INTS1: variants seen among roughly 807,000 people sequenced by gnomAD.
INTS1 encodes the protein integrator complex subunit 1.
A neutral mutation model predicts 241.6 loss-of-function variants in INTS1; 137 were observed. That is an observed-to-expected ratio of 0.57 (90% CI 0.49 to 0.65). The LOEUF (loss-of-function observed/expected upper bound fraction) is 0.65. INTS1 is among the 30% of genes least tolerant of loss of function. The pLI, the probability that INTS1 is intolerant of heterozygous loss-of-function variation, is 0.00. For missense variants in INTS1, 3,073 were observed against 3,032.2 expected (o/e 1.01, Z -0.32); for synonymous variants, 1,692 against 1,337.8 (o/e 1.26, Z -5.78).
intron 3 of INTS1, among the ~76,000 whole-genome samples, chr7:1,501,777 T>C (rs1465583762): frequency 6.6e-6 from 1 of 152,084 alleles, no homozygotes; most frequent in Non-Finnish European, 1.5e-5. Flanking sequence ...TCCTGGGCCG[T>C]TTGCCCCCAG....
intron 38 of INTS1, 79 bp from the exon 39 acceptor site, chr7:1,476,150 G>C: frequency 1.3e-6 from 2 of 1,525,134 alleles, no homozygotes; most frequent in Non-Finnish European, 1.8e-6. Flanking sequence ...AGGCGTGATG[G>C]GAACCCACCC....
rs1315948611 is a variant in INTS1 at position 1,474,726 on chromosome 7, G to A, written c.5615C>T (p.Ala1872Val). 1.3e-5 allele frequency: 20 copies of A among 1,561,164 alleles called. No homozygotes were observed. Among genetic ancestry groups the A allele is most frequent in the South Asian group, 2.4e-5 (2 of 84,652 alleles). The change falls in exon 40 of 48, where the codon GCG (alanine) becomes GTG (valine). Residue 1872 changes from alanine to valine, a missense_variant. Ala to Val is a moderately conservative substitution (Grantham distance 64). Coordinates refer to ENST00000404767, the MANE Select transcript of INTS1 (RefSeq NM_001080453.3). ...ASMACRKLAVAHPLLLLRHLP... is the reference protein window; with the variant it reads ...ASMACRKLAVVHPLLLLRHLP... ...GCACCTGAGCAGCAGCAGCGGGTGC[G>A]CCACCGCCAGCTTCCGGCAGGCCAT...
intron 12 of INTS1, 49 bp downstream of exon 12, chr7:1,496,106 TG>T: frequency 1.4e-6 from 2 of 1,475,096 alleles, no homozygotes; most frequent in Non-Finnish European, 1.9e-6. Flanking sequence ...GCCACCAGCC[TG>T]GACCCGAGAC....
rs2128537261 is a variant in INTS1 at position 1,483,864 on chromosome 7, A to G, written c.3430-11T>C. On this transcript the variant is annotated splice_polypyrimidine_tract_variant and intron_variant, in intron 25 of 47. Transcript: ENST00000404767. The stretch of plus-strand genomic sequence containing the variant: ...GTCCTGAGACTCCGACTGTGGGAAA[A>G]GAGGTGGAGTCAGGCCGTAAGGTTC... 6.2e-7 allele frequency: 1 copy of G among 1,605,354 alleles called. No homozygotes were observed. The highest frequency in any genetic ancestry group is 8.5e-7 in the Non-Finnish European group (1 of 1,173,512).
At chr7:1,483,295 G>A (rs915287091) in intron 26 of INTS1, 5 of 257,796 alleles carry the variant, frequency 1.9e-5, no homozygotes, top group Non-Finnish European at 3.1e-5. Context: ...CTGGGTAGGC[G>A]CTGGGTTCCA....
Position 1,484,141 on chromosome 7 carries a change from G to A in INTS1, c.3291C>T (p.Ser1097=). ...LDVARLVVER[S]TIMSHLFSKL... ...TCGAGAAGAGGTGGGACATGATGGTGGAGCGCTCCACGACCAGCCGGGCCA... is the reference window on the plus strand; with the variant it reads ...TCGAGAAGAGGTGGGACATGATGGTAGAGCGCTCCACGACCAGCCGGGCCA... The change falls in exon 25 of 48, where the codon TCC becomes TCT. Residue 1097 remains serine, a synonymous_variant. Coordinates refer to ENST00000404767, the MANE Select transcript of INTS1 (RefSeq NM_001080453.3). 1 of 1,611,828 alleles carries A rather than the reference G, an allele frequency of 6.2e-7. No individual in the cohort carries two copies. Among genetic ancestry groups the A allele is most frequent in the Non-Finnish European group, 8.5e-7 (1 of 1,179,652 alleles).
chr7:1,504,186 G>C, intron 1 of INTS1, 137 bp downstream of exon 1: 1 of 537,078 alleles, frequency 1.9e-6, no homozygotes, highest in Non-Finnish European at 3.2e-6. Context: ...CGGCTCAGTC[G>C]GGCGGCAGCA....
At position 1,482,584 on chromosome 7, in the gene INTS1, C is replaced by T. The variant is rs370023670; in HGVS notation, c.3665G>A (p.Arg1222His). The change falls in exon 27 of 48, where the codon CGC (arginine) becomes CAC (histidine). Residue 1222 changes from arginine to histidine, a missense_variant. Transcript: ENST00000404767. The part of the protein sequence containing the change: ...ALLLPDWLKL[R>H]MIRSEVLRLV... ...GCGGAGCACCTCAGAACGGATCATG[C>T]GCAGCTTCAGCCAGTCAGGAAGCAG... The T allele has an allele frequency of 9.3e-6, 15 of 1,612,662 alleles. No individual in the cohort carries two copies. Among genetic ancestry groups the T allele is most frequent in the South Asian group, 4.4e-5 (4 of 91,088 alleles).
At chr7:1,496,026 C>T (rs1054156388) in intron 12 of INTS1, 130 bp downstream of exon 12, 4 of 678,960 alleles carry the variant, frequency 5.9e-6, no homozygotes, top group Non-Finnish European at 1.0e-5. Context: ...CTCCGTGTCC[C>T]CGAGTAGCCG....
At chr7:1,471,667 G>A in intron 44 of INTS1, 26 bp from the exon 45 acceptor site, 1 of 1,608,892 alleles carries the variant, frequency 6.2e-7, no homozygotes, top group East Asian at 2.2e-5. Context: ...GGCCAGACCA[G>A]AACTGAAGGG....
At chr7:1,470,792 A>T in intron 47 of INTS1, 54 bp downstream of exon 47, 8 of 1,478,246 alleles carry the variant, frequency 5.4e-6, no homozygotes, top group Non-Finnish European at 7.3e-6. Flanking sequence ...CGGGGGACGC[A>T]CCTCCGGCCT....
chr7:1,474,933 G>A (rs1040752382), intron 39 of INTS1, 95 bp from the exon 40 acceptor site: 10 of 1,460,770 alleles, frequency 6.8e-6, no homozygotes, highest in Admixed American at 4.3e-5. Context: ...GTGATCCACC[G>A]CGTGGCACGC....
chr7:1,496,494 C>A (rs1283150899), intron 11 of INTS1, among the ~76,000 whole-genome samples: 1 of 151,908 alleles, frequency 6.6e-6, no homozygotes. Context: ...CACCCGGGAG[C>A]CCCACTCCAC....
chr7:1,494,393 C>G (rs957127414), intron 14 of INTS1: 4 of 259,106 alleles, frequency 1.5e-5, no homozygotes, highest in Admixed American at 1.5e-4. Flanking sequence ...AGACCAAGAA[C>G]CCACGGGGTC....
chr7:1,487,635 C>A, intron 19 of INTS1, 125 bp downstream of exon 19: 4 of 1,326,196 alleles, frequency 3.0e-6, no homozygotes, highest in Middle Eastern at 2.6e-4. Context: ...CGGGGCTCCA[C>A]AGGCCTTTCA....
At chr7:1,482,899 C>T (rs2128536798) in intron 26 of INTS1, 192 bp from the exon 27 acceptor site, 1 of 622,504 alleles carries the variant, frequency 1.6e-6, no homozygotes. Flanking sequence ...ATTTGATCCT[C>T]ACAGATGCTG....
intron 26 of INTS1, 77 bp from the exon 27 acceptor site, chr7:1,482,784 G>C: frequency 6.6e-7 from 1 of 1,526,678 alleles, no homozygotes; most frequent in Non-Finnish European, 8.9e-7. Flanking sequence ...GCCAAGGCTA[G>C]AGGCACCTCC....
Position 1,499,541 on chromosome 7 carries a change from G to C in INTS1, c.776C>G (p.Thr259Ser). The C allele has an allele frequency of 1.2e-6, 2 of 1,613,306 alleles. No individual in the cohort carries two copies. Among genetic ancestry groups the C allele is most frequent in the Non-Finnish European group, 1.7e-6 (2 of 1,179,622 alleles). Residue 259 changes from threonine to serine, a missense_variant, in exon 6 of 48, where the codon ACC (threonine) becomes AGC (serine). Physicochemically the swap from Thr to Ser is moderately conservative, Grantham distance 58. Coordinates refer to ENST00000404767, the MANE Select transcript of INTS1 (RefSeq NM_001080453.3). Reference protein sequence around the residue: ...FVDNIQTAFNTRMPPRSVLLQ... With the variant: ...FVDNIQTAFNSRMPPRSVLLQ... ...CAGCACGCTCCTGGGGGGCATTCTG[G>C]TGTTGAAGGCCGTCTGGATGTTGTC...
rs896508157 is a variant in INTS1, at chr7:1,484,180, G to T, written c.3262-10C>A. 1 of 1,600,080 alleles carries T rather than the reference G, an allele frequency of 6.2e-7. No individual in the cohort carries two copies. The highest frequency in any genetic ancestry group is 8.5e-7 in the Non-Finnish European group (1 of 1,171,996). ...CCAGCCGGGCCACGTCCTGGTGTGT[G>T]GACAGGGGGGCGTCAGAGGCTCCGA... is the stretch of plus-strand genomic sequence containing the variant. On this transcript the variant is annotated splice_polypyrimidine_tract_variant and intron_variant, in intron 24 of 47. Coordinates refer to ENST00000404767, the MANE Select transcript of INTS1 (RefSeq NM_001080453.3).
Sources: allele counts gnomAD v4.1 joint callset (sites outside exome capture counted in the v4.1 genomes callset), GRCh38; gene constraint gnomAD v4.1.1; transcripts MANE v1.5; gene names NCBI Gene and HGNC (gene_info 2026-07-23, HGNC 2026-07-21).